Variants in FRMPD1 observed in about 807,000 individuals in gnomAD.
FRMPD1 encodes FERM and PDZ domain-containing protein 1.
In FRMPD1, 76 loss-of-function variants were observed where a neutral mutation model predicts 117.8. The ratio of observed to expected loss-of-function variants is 0.65; its 90% CI spans 0.54 to 0.78. The LOEUF is 0.78. FRMPD1 is among the 30% of genes least tolerant of loss of function. The pLI, the probability that FRMPD1 is intolerant of heterozygous loss-of-function variation, is 0.00. For missense variants in FRMPD1, 1,786 were observed against 1,964.5 expected (o/e 0.91, Z 1.72); for synonymous variants, 783 against 770.4 (o/e 1.02, Z -0.27).
chr9:37,647,548 C>A (rs1824164991), upstream of FRMPD1, among the ~76,000 whole-genome samples: 1 of 150,308 alleles, frequency 6.7e-6, no homozygotes, highest in African/African-American at 2.4e-5. Flanking sequence ...ATCCAAATGA[C>A]AGCTGTTAGG....
chr9:37,633,708 A>C, the FRMPD1 span, among the ~76,000 whole-genome samples: 1 of 152,180 alleles, frequency 6.6e-6, no homozygotes, highest in African/African-American at 2.4e-5. Flanking sequence ...AACAAACAAA[A>C]AAATTAGCTG....
chr9:37,737,235 CAGA>C lies in FRMPD1; in HGVS notation c.1547_1549del (p.Glu516del). 1 of 1,614,076 alleles carries C rather than the reference CAGA, an allele frequency of 6.2e-7. No individual in the cohort carries two copies. The highest frequency in any genetic ancestry group is 8.5e-7 in the Non-Finnish European group (1 of 1,180,002). On this transcript the variant is annotated inframe_deletion, in exon 14 of 16. Transcript: ENST00000377765. ...AAACAACAAGCGCACCGGGTATCTG[CAGA>C]AGAAGGTGAGGCACTGAGTCTTGCC...
At chr9:37,655,848 C>T (rs1820827279) in intron 1 of FRMPD1, among the ~76,000 whole-genome samples, 1 of 152,056 alleles carries the variant, frequency 6.6e-6, no homozygotes, top group Non-Finnish European at 1.5e-5. Flanking sequence ...GGCCTTTGCT[C>T]CCCCGTCTAG....
chr9:37,704,867 C>T (rs1304892398), intron 2 of FRMPD1, among the ~76,000 whole-genome samples: 1 of 151,320 alleles, frequency 6.6e-6, no homozygotes, highest in African/African-American at 2.4e-5. Context: ...ATCCAGGAAC[C>T]CAGCATAACT....
Position 37,692,656 on chromosome 9 carries a change from G to A in FRMPD1, c.15G>A (p.Glu5=), listed in dbSNP as rs931675437. MEEL[E]TSLFQTRKAH... The stretch of plus-strand genomic sequence containing the variant: ...CTTTTAGGTAAATGGAAGAGCTGGA[G>A]ACCAGTTTATTCCAGACACGGAAAG... The change falls in exon 2 of 16, where the codon GAG becomes GAA. Residue 5 remains glutamate (E), a synonymous_variant. Coordinates refer to ENST00000377765, the MANE Select transcript of FRMPD1 (RefSeq NM_014907.3). The A allele has an allele frequency of 6.2e-7, 1 of 1,611,204 alleles. No homozygotes were observed. The highest frequency in any genetic ancestry group is 8.5e-7 in the Non-Finnish European group (1 of 1,177,332).
Position 37,656,052 on chromosome 9 carries a change from G to A in FRMPD1, c.-5+4958G>A, listed in dbSNP as rs140925057. On this transcript the variant is annotated intron_variant, in intron 1 of 15. Transcript: ENST00000377765. ...TGAAGGATTTTGTGTGCGGTCACTT[G>A]TGTATGTGGCCACAGCTCATAGAAA... Among the ~76,000 whole-genome samples the A allele has an allele frequency of 5.1e-3, 773 of 152,282 alleles. 5 individuals carry two copies. Among genetic ancestry groups the A allele is most frequent in the Non-Finnish European group, 7.9e-3 (536 of 68,026 alleles).
chr9:37,611,645 C>A, the FRMPD1 span, among the ~76,000 whole-genome samples: 1 of 152,076 alleles, frequency 6.6e-6, no homozygotes, highest in Non-Finnish European at 1.5e-5. Context: ...ACAATAAAAG[C>A]TATGTGTAAC....
chr9:37,740,378 T>C lies in FRMPD1; in HGVS notation c.1850T>C (p.Leu617Ser). The C allele has an allele frequency of 1.2e-6, 2 of 1,613,812 alleles. No homozygotes were observed. The highest frequency in any genetic ancestry group is 1.7e-6 in the Non-Finnish European group (2 of 1,179,974). The change falls in exon 15 of 16, where the codon TTA becomes TCA. Residue 617 changes from leucine (L) to serine (S), a missense_variant. Transcript: ENST00000377765. The surrounding 1 kb of genome is among the most constrained non-coding windows in gnomAD (Gnocchi z 4.2). The stretch of plus-strand genomic sequence containing the variant: ...ATGGACGCTCTGGAAGAGGATGACT[T>C]AGACACCTGCTCCTCCAGCAGGTCC... ...ESMDALEEDD[L>S]DTCSSSRSTF...
chr9:37,737,984 C>CA (rs1474877434), intron 14 of FRMPD1, among the ~76,000 whole-genome samples: 1 of 152,226 alleles, frequency 6.6e-6, no homozygotes, highest in African/African-American at 2.4e-5. Flanking sequence ...GCAGGTAAGA[C>CA]AGTTTCCTAG....
At chr9:37,659,412 AG>A (rs1820931715) in intron 1 of FRMPD1, among the ~76,000 whole-genome samples, 1 of 152,176 alleles carries the variant, frequency 6.6e-6, no homozygotes, top group South Asian at 2.1e-4. Context: ...CTCAGGGATT[AG>A]GCTGCCTAGG....
At chr9:37,663,601 C>G (rs1821063797) in intron 1 of FRMPD1, among the ~76,000 whole-genome samples, 1 of 152,216 alleles carries the variant, frequency 6.6e-6, no homozygotes, top group South Asian at 2.1e-4. Flanking sequence ...AGTTATCTTT[C>G]AATTCTAGTG....
chr9:37,678,374 C>G (rs537869127), intron 1 of FRMPD1, among the ~76,000 whole-genome samples: 1 of 149,210 alleles, frequency 6.7e-6, no homozygotes, highest in Non-Finnish European at 1.5e-5. Context: ...GATTCTCCTT[C>G]CTCAGCCTCC....
At chr9:37,688,559 A>C (rs1188030087) in intron 1 of FRMPD1, among the ~76,000 whole-genome samples, 2 of 152,098 alleles carry the variant, frequency 1.3e-5, no homozygotes, top group Non-Finnish European at 2.9e-5. Flanking sequence ...TTATCCCCCC[A>C]AAAATATCTG....
At chr9:37,680,797 T>C (rs1821701921) in intron 1 of FRMPD1, among the ~76,000 whole-genome samples, 1 of 152,114 alleles carries the variant, frequency 6.6e-6, no homozygotes, top group Non-Finnish European at 1.5e-5. Flanking sequence ...TTCAATGCCC[T>C]TTTCTATAAT....
intron 5 of FRMPD1, among the ~76,000 whole-genome samples, chr9:37,717,377 ATATATT>A (rs1330029960): frequency 2.8e-4 from 26 of 93,198 alleles, no homozygotes; most frequent in Admixed American, 7.2e-4. Context: ...GTGTATATAT[ATATATT>A]TTTTTTTTTT....
intron 5 of FRMPD1, among the ~76,000 whole-genome samples, chr9:37,713,637 TA>T (rs1416724921): frequency 6.6e-6 from 1 of 151,756 alleles, no homozygotes; most frequent in Non-Finnish European, 1.5e-5. Context: ...TAGAGAGACC[TA>T]TATATATATG....
chr9:37,700,999 A>G (rs757544656), intron 2 of FRMPD1, among the ~76,000 whole-genome samples: 6 of 152,234 alleles, frequency 3.9e-5, no homozygotes, highest in Non-Finnish European at 8.8e-5. Flanking sequence ...AGGAGCGGCC[A>G]TGGTTTGGTC....
At chr9:37,662,318 G>A (rs890895851) in intron 1 of FRMPD1, among the ~76,000 whole-genome samples, 10 of 152,280 alleles carry the variant, frequency 6.6e-5, no homozygotes, top group South Asian at 2.1e-4. Flanking sequence ...AGGCCCCACC[G>A]CCCATCACTG....
At chr9:37,736,887 G>GCA (rs766907680) in intron 13 of FRMPD1, among the ~76,000 whole-genome samples, 7 of 73,624 alleles carry the variant, frequency 9.5e-5, no homozygotes, top group Non-Finnish European at 2.2e-4. Flanking sequence ...GTATGTGTGC[G>GCA]CACACACACA....
Sources: allele counts gnomAD v4.1 joint callset (sites outside exome capture counted in the v4.1 genomes callset), GRCh38; gene constraint gnomAD v4.1.1; non-coding constraint Gnocchi (gnomAD v3.1); transcripts MANE v1.5; gene names NCBI Gene and HGNC (gene_info 2026-07-23, HGNC 2026-07-21).